URI1: variants seen among roughly 807,000 people sequenced by gnomAD.
URI1 encodes the protein unconventional prefoldin RPB5 interactor 1.
Under a neutral mutation model 60.2 loss-of-function variants are expected in URI1, and 39 were observed. The ratio of observed to expected loss-of-function variants is 0.65; its 90% CI spans 0.50 to 0.85. URI1 has a LOEUF of 0.85. Among genes scored for constraint, URI1 ranks in the 40% least tolerant of loss-of-function variants. The probability of loss-of-function intolerance (pLI) is 0.00; values close to 1 mark genes in which losing one functional copy is unlikely to be tolerated. For missense variants in URI1, 691 were observed against 665.9 expected, an observed-to-expected ratio of 1.04 and a Z score of -0.42; for synonymous variants, 251 against 236.8, an observed-to-expected ratio of 1.06 and a Z score of -0.55.
intron 4 of URI1, among the ~76,000 whole-genome samples, chr19:30,003,575 G>T (rs1237120989): frequency 3.3e-5 from 5 of 151,952 alleles, no homozygotes; most frequent in Non-Finnish European, 7.4e-5. Context: ...AAAACACTTT[G>T]TTTCTTAAAT....
chr19:30,003,019 A>C (rs993559893), intron 4 of URI1, among the ~76,000 whole-genome samples: 2 of 151,998 alleles, frequency 1.3e-5, no homozygotes, highest in Non-Finnish European at 2.9e-5. Context: ...TTTTTGGAGA[A>C]TAGAGTACAA....
chr19:29,994,063 ATGTGTG>A (rs3053922), intron 4 of URI1, among the ~76,000 whole-genome samples: 1 of 147,872 alleles, frequency 6.8e-6, no homozygotes, highest in African/African-American at 2.5e-5. Context: ...CTCTGTGTGT[ATGTGTG>A]TGTGTGTGTG....
intron 1 of URI1, among the ~76,000 whole-genome samples, chr19:29,961,029 A>C: frequency 6.6e-6 from 1 of 151,656 alleles, no homozygotes; most frequent in East Asian, 1.9e-4. Flanking sequence ...TAAAAAAAAA[A>C]ATTTTTTTTT....
intron 1 of URI1, among the ~76,000 whole-genome samples, chr19:29,948,764 C>T (rs566174056): frequency 6.1e-4 from 93 of 152,296 alleles, no homozygotes; most frequent in African/African-American, 2.1e-3. Flanking sequence ...AGCAACAATC[C>T]GATTCCTTTA....
chr19:29,964,464 G>GTTTTTTTTTTTTT (rs373357906), intron 1 of URI1, among the ~76,000 whole-genome samples: 1 of 124,644 alleles, frequency 8.0e-6, no homozygotes. Context: ...TTTTTGTTTT[G>GTTTTTTTTTTTTT]TTTTTTTTTT....
intron 1 of URI1, among the ~76,000 whole-genome samples, chr19:29,958,678 A>T (rs1197250459): frequency 6.6e-6 from 1 of 151,236 alleles, no homozygotes; most frequent in African/African-American, 2.4e-5. Context: ...GATTAACTCT[A>T]CCAGGGTGCT....
At chr19:29,942,715 G>C (rs772658083) in intron 1 of URI1, 51 bp downstream of exon 1, 2 of 1,345,552 alleles carry the variant, frequency 1.5e-6, no homozygotes, top group South Asian at 1.9e-5. Context: ...GGCTGCCCCT[G>C]CCTGTGCTCT....
intron 4 of URI1, among the ~76,000 whole-genome samples, chr19:29,997,884 C>T (rs1230171421): frequency 6.6e-6 from 1 of 152,064 alleles, no homozygotes. Flanking sequence ...TCTGCCTCAG[C>T]CTCCCTAGTA....
chr19:29,954,393 T>A (rs1391661486), intron 1 of URI1, among the ~76,000 whole-genome samples: 1 of 152,204 alleles, frequency 6.6e-6, no homozygotes, highest in Non-Finnish European at 1.5e-5. Context: ...TTAATTGCAT[T>A]TTATGAATAC....
At chr19:29,959,444 T>G (rs574466741) in intron 1 of URI1, among the ~76,000 whole-genome samples, 1 of 152,324 alleles carries the variant, frequency 6.6e-6, no homozygotes, top group Admixed American at 6.5e-5. Flanking sequence ...TGTTTCTAAC[T>G]TAAATGTTTG....
At chr19:30,014,303 A>G (rs1439529948) in intron 10 of URI1, 1 of 152,156 alleles carries the variant, frequency 6.6e-6, no homozygotes, top group East Asian at 1.9e-4. Context: ...TGAAACCTGT[A>G]CTTATTCCTA....
At position 30,015,719 on chromosome 19, in the gene URI1, CT is replaced by C; in HGVS notation, c.*653del. On this transcript the variant is annotated 3_prime_UTR_variant, in exon 11 of 11. Coordinates refer to ENST00000392271, the MANE Select transcript of URI1 (RefSeq NM_003796.3). ...AACTTGGTCTCAAAAATGTTGTGAA[CT>C]TTATGATTCAAAATTGAGTACAGAT... is the stretch of plus-strand genomic sequence containing the variant. 1.2e-6 allele frequency: 1 copy of C among 807,768 alleles called. No homozygotes were observed. The highest frequency in any genetic ancestry group is 1.9e-6 in the Non-Finnish European group (1 of 522,848). 50.0% of individuals were successfully genotyped at this position (807,768 alleles called of 1,614,324 possible). A position where few individuals can be genotyped will look rare whatever the true frequency, so the allele number is the denominator to read the frequency against.
chr19:29,956,276 C>T (rs1352876741), intron 1 of URI1: 3 of 764,718 alleles, frequency 3.9e-6, no homozygotes, highest in East Asian at 6.2e-5. Context: ...GCGCCTGGCC[C>T]AGAGTAGTCT....
intron 1 of URI1, chr19:29,923,847 G>T: frequency 7.9e-7 from 1 of 1,268,058 alleles, no homozygotes; most frequent in Admixed American, 2.0e-5. Flanking sequence ...CAGAGAAACA[G>T]AATGAACAAG....
intron 1 of URI1, among the ~76,000 whole-genome samples, chr19:29,943,156 G>C (rs1990904): frequency 0.82 from 125,003 of 151,850 alleles, 52,383 homozygotes; most frequent in Non-Finnish European, 0.9. Context: ...TGTTGCCCAG[G>C]CTAATCTCGA....
chr19:29,948,037 T>A (rs1267309662), intron 1 of URI1, among the ~76,000 whole-genome samples: 1 of 152,210 alleles, frequency 6.6e-6, no homozygotes, highest in African/African-American at 2.4e-5. Context: ...GGAAAGAGTG[T>A]CATGTCTCCA....
intron 4 of URI1, among the ~76,000 whole-genome samples, chr19:29,997,340 TG>T (rs1255143441): frequency 1.3e-5 from 2 of 152,182 alleles, no homozygotes; most frequent in Non-Finnish European, 2.9e-5. Context: ...GGCAGTCAGT[TG>T]TTTGTACTAT....
intron 2 of URI1, among the ~76,000 whole-genome samples, chr19:29,976,833 T>G (rs942826977): frequency 9.2e-5 from 14 of 152,186 alleles, no homozygotes; most frequent in Non-Finnish European, 1.9e-4. Context: ...TCTTTGAAAT[T>G]ACATGAAACA....
intron 1 of URI1, among the ~76,000 whole-genome samples, chr19:29,960,794 C>T (rs1001350817): frequency 5.3e-5 from 8 of 151,932 alleles, no homozygotes; most frequent in African/African-American, 1.2e-4. Flanking sequence ...TTCTATTAGA[C>T]GTACATTGTA....
Sources: allele counts gnomAD v4.1 joint callset (sites outside exome capture counted in the v4.1 genomes callset), GRCh38; gene constraint gnomAD v4.1.1; transcripts MANE v1.5; gene names NCBI Gene and HGNC (gene_info 2026-07-23, HGNC 2026-07-21).